Variants in HOOK3 observed in about 807,000 individuals in gnomAD.
HOOK3 encodes protein Hook homolog 3.
HOOK3 carries 24 observed loss-of-function variants against 116.3 expected under a neutral mutation model. That is an observed-to-expected ratio of 0.21 (90% confidence interval 0.15 to 0.29). The LOEUF (loss-of-function observed/expected upper bound fraction) is 0.29, where lower values mean the gene tolerates loss of function less well. HOOK3 is among the 10% of genes least tolerant of loss of function. HOOK3 has a pLI of 1.00. For missense variants in HOOK3, 632 were observed against 830.2 expected (o/e 0.76, Z 2.93); for synonymous variants, 275 against 283.0 (o/e 0.97, Z 0.28).
intron 9 of HOOK3, among the ~76,000 whole-genome samples, chr8:42,965,171 CTT>C (rs1808610672): frequency 6.6e-6 from 1 of 152,234 alleles, no homozygotes; most frequent in Non-Finnish European, 1.5e-5. Context: ...TCTGAAATGA[CTT>C]TGGTTTGGAA....
At chr8:42,934,379 T>C (rs1423746824) in intron 4 of HOOK3, among the ~76,000 whole-genome samples, 1 of 152,198 alleles carries the variant, frequency 6.6e-6, no homozygotes, top group Non-Finnish European at 1.5e-5. Flanking sequence ...TCATAGATTT[T>C]TTTTACTTTC....
At chr8:42,959,617 G>T (rs905450975) in intron 8 of HOOK3, among the ~76,000 whole-genome samples, 1 of 151,170 alleles carries the variant, frequency 6.6e-6, no homozygotes, top group Non-Finnish European at 1.5e-5. Context: ...TACTTGGGAG[G>T]CTGAGGCAGG....
In HOOK3 at chr8:42,964,392, A is replaced by G. The variant is rs748028186; in HGVS notation, c.697A>G (p.Ile233Val). The G allele has an allele frequency of 8.1e-6, 13 of 1,614,098 alleles. No homozygotes were observed. The highest frequency in any genetic ancestry group is 6.6e-5 in the South Asian group (6 of 91,088). The change falls in exon 9 of 22, where the codon ATA becomes GTA. Residue 233 changes from isoleucine to valine, a missense_variant. Physicochemically the swap from Ile to Val is conservative, Grantham distance 29 (BLOSUM62 3). Around this residue, in one of 3 missense-constraint regions of HOOK3, gnomAD observed 483 missense variants for 648.1 expected, o/e 0.75. Coordinates refer to ENST00000307602, the MANE Select transcript of HOOK3 (RefSeq NM_032410.4). ...GGAAAGACTCAATCAATCTGATTCTATAGAAGACCCTAACAGTCCAGCAGG... is the reference window on the plus strand; with the variant it reads ...GGAAAGACTCAATCAATCTGATTCTGTAGAAGACCCTAACAGTCCAGCAGG... Reference protein sequence around the residue: ...LMERLNQSDSIEDPNSPAGRR... With the variant: ...LMERLNQSDSVEDPNSPAGRR...
At chr8:42,986,630 T>A (rs775900969) in intron 14 of HOOK3, 25 bp from the exon 15 acceptor site, 1 of 1,585,792 alleles carries the variant, frequency 6.3e-7, no homozygotes, top group African/African-American at 1.4e-5. Flanking sequence ...GTATATAATA[T>A]TTAGTTTTTA....
At chr8:42,980,040 T>C (rs561759196) in intron 13 of HOOK3, among the ~76,000 whole-genome samples, 106 of 151,486 alleles carry the variant, frequency 7.0e-4, no homozygotes, top group Non-Finnish European at 7.2e-4. Flanking sequence ...CTCTGCTCAC[T>C]GCAACCTCCA....
chr8:42,980,892 A>G (rs1431144186), intron 13 of HOOK3, among the ~76,000 whole-genome samples: 1 of 151,516 alleles, frequency 6.6e-6, no homozygotes, highest in African/African-American at 2.4e-5. Context: ...AATAAAAAGA[A>G]AAAGAGACCT....
intron 9 of HOOK3, among the ~76,000 whole-genome samples, chr8:42,965,602 G>A (rs913099582): frequency 6.6e-5 from 10 of 152,294 alleles, no homozygotes; most frequent in South Asian, 4.1e-4. Flanking sequence ...TAAAAAGTGC[G>A]TCATCACTTG....
chr8:42,939,447 T>C (rs1254187633), intron 4 of HOOK3, among the ~76,000 whole-genome samples: 2 of 143,144 alleles, frequency 1.4e-5, no homozygotes, highest in Non-Finnish European at 3.0e-5. Flanking sequence ...GCAGAGGGGC[T>C]CCTCACTTCC....
In HOOK3 at chr8:43,013,169, C is replaced by G. The variant is rs1809645077; in HGVS notation, c.1944+14C>G. The G allele has an allele frequency of 2.6e-6, 4 of 1,538,584 alleles. No individual in the cohort carries two copies. The highest frequency in any genetic ancestry group is 3.6e-6 in the Non-Finnish European group (4 of 1,124,840). ...CACTCATTAGAGGTAGTTTACTATA[C>G]TGTACAATAAAATAATTGTGTTTTG... On this transcript the variant is annotated intron_variant, in intron 20 of 21. Transcript: ENST00000307602.
intron 17 of HOOK3, among the ~76,000 whole-genome samples, chr8:43,004,771 G>A (rs117077310): frequency 0.019 from 2,851 of 150,618 alleles, 55 homozygotes; most frequent in Non-Finnish European, 0.028. Flanking sequence ...GAGTATTGCC[G>A]AAGATGTTGA....
At chr8:42,941,457 G>A (rs1173896085) in intron 4 of HOOK3, among the ~76,000 whole-genome samples, 1 of 147,436 alleles carries the variant, frequency 6.8e-6, no homozygotes, top group East Asian at 2.0e-4. Context: ...GGCAGAGGTT[G>A]CAGTGAGCCA....
intron 6 of HOOK3, among the ~76,000 whole-genome samples, chr8:42,952,560 A>C (rs1171497527): frequency 6.6e-6 from 1 of 152,296 alleles, no homozygotes; most frequent in East Asian, 1.9e-4. Flanking sequence ...CCAACCTTCT[A>C]ATCACATGAT....
Position 42,926,880 on chromosome 8 carries a change from G to C in HOOK3, c.216+1251G>C, listed in dbSNP as rs561961785. Among the ~76,000 whole-genome samples the C allele has an allele frequency of 7.2e-5, 11 of 152,266 alleles. No individual in the cohort carries two copies. The South Asian group carries it at 2.3e-3, about 32-fold the overall frequency. On this transcript the variant is annotated intron_variant, in intron 3 of 21. Coordinates refer to ENST00000307602, the MANE Select transcript of HOOK3 (RefSeq NM_032410.4). ...ATTCCGTCACCACACAGCTTCCTGTGCTGCTTCTATAACCACATCCACACC... is the reference window on the plus strand; with the variant it reads ...ATTCCGTCACCACACAGCTTCCTGTCCTGCTTCTATAACCACATCCACACC...
chr8:42,996,161 G>A (rs1809260740), intron 15 of HOOK3, among the ~76,000 whole-genome samples: 1 of 152,016 alleles, frequency 6.6e-6, no homozygotes, highest in Non-Finnish European at 1.5e-5. Context: ...CGAGGCAGGT[G>A]GATCACCTGA....
At chr8:42,951,934 T>TAA (rs1808351776) in intron 6 of HOOK3, among the ~76,000 whole-genome samples, 1 of 149,144 alleles carries the variant, frequency 6.7e-6, no homozygotes. Context: ...CGAGACTCCG[T>TAA]CTCAAAAAAA....
At chr8:42,897,790 C>T (rs1807059513) in intron 1 of HOOK3, among the ~76,000 whole-genome samples, 1 of 151,288 alleles carries the variant, frequency 6.6e-6, no homozygotes, top group East Asian at 2.0e-4. Context: ...AATTCTTAAA[C>T]GGTTTTAGAT....
At position 43,021,670 on chromosome 8, in the gene HOOK3, CT is replaced by C. The variant is rs1165857231; in HGVS notation, c.*3186del. 0.014 allele frequency: 2,147 copies of C among 148,838 alleles called. No individual in the cohort carries two copies. The highest frequency in any genetic ancestry group is 0.072 in the East Asian group (528 of 7,316). The allele number at this position is 148,838 out of a possible 1,614,324, so 9.2% of individuals were successfully genotyped here. A position where few individuals can be genotyped will look rare whatever the true frequency, so the allele number is the denominator to read the frequency against. On this transcript the variant is annotated 3_prime_UTR_variant, in exon 22 of 22. Transcript: ENST00000307602. Reference sequence around the variant, plus strand: ...GATGTTTACATTTATAATTTTCTTTCTTTTTTTTTTTTTTGTGAGATGATGT... The same window carrying C: ...GATGTTTACATTTATAATTTTCTTTCTTTTTTTTTTTTTGTGAGATGATGT...
At position 43,029,533 on chromosome 8, in the gene HOOK3, A is replaced by G; in HGVS notation, c.*11035A>G. On this transcript the variant is annotated 3_prime_UTR_variant, in exon 22 of 22. Transcript: ENST00000307602. ...CGCTGTCATGAACTTTGCTGTTTAC[A>G]GGTTCTGTGTAATTCAGAATGCTTT... 1 of 186,688 alleles carries G rather than the reference A, an allele frequency of 5.4e-6. No homozygotes were observed. Among genetic ancestry groups the G allele is most frequent in the Non-Finnish European group, 1.1e-5 (1 of 88,374 alleles). 11.6% of individuals were successfully genotyped at this position (186,688 alleles called of 1,614,324 possible).
chr8:42,923,011 T>G (rs1304292735), intron 2 of HOOK3, among the ~76,000 whole-genome samples: 3 of 152,140 alleles, frequency 2.0e-5, no homozygotes, highest in Non-Finnish European at 4.4e-5. Context: ...CTCTTACAAT[T>G]CAATAAAAAA....
Sources: gnomAD v4.1 joint callset for allele counts (sites outside exome capture counted in the v4.1 genomes callset) on GRCh38, gnomAD v4.1.1 for gene constraint, gnomAD v4.1.1 regional missense constraint, MANE v1.5 for transcripts, NCBI Gene and HGNC (gene_info 2026-07-23, HGNC 2026-07-21) for gene names.